The following PPFIA1 variants were observed in gnomAD, a reference collection of about 807,000 sequenced individuals.
PPFIA1 encodes PPFI scaffold protein A1.
PPFIA1 carries 25 observed loss-of-function variants against 149.9 expected under a neutral mutation model. The ratio of observed to expected loss-of-function variants is 0.17; its 90% CI spans 0.12 to 0.23. The LOEUF is 0.23. Ranked by LOEUF, PPFIA1 falls within the 10% of genes least tolerant of loss-of-function variation. PPFIA1 has a pLI of 1.00. For synonymous variants in PPFIA1, 549 were observed against 552.8 expected (o/e 0.99, Z 0.10); for missense variants, 1,362 against 1,506.5 (o/e 0.90, Z 1.59).
intron 13 of PPFIA1, among the ~76,000 whole-genome samples, chr11:70,338,889 G>T (rs767454404): frequency 2.6e-5 from 4 of 152,178 alleles, no homozygotes; most frequent in African/African-American, 4.8e-5. Flanking sequence ...CCCAGAGGAG[G>T]GGTCTCTCTC....
Position 70,383,349 on chromosome 11 carries a change from A to AT in PPFIA1, c.*360dup, listed in dbSNP as rs2057778289. On this transcript the variant is annotated 3_prime_UTR_variant, in exon 28 of 28. Coordinates refer to ENST00000253925, the MANE Select transcript of PPFIA1 (RefSeq NM_003626.5). ...ATGCTTGTATGTATAAATCCTATGA[A>AT]TAGAGGGCTTTTGTAAATTATGCAT... The AT allele has an allele frequency of 5.3e-6, 1 of 187,210 alleles. No homozygotes were observed. The highest frequency in any genetic ancestry group is 2.4e-5 in the African/African-American group (1 of 41,614). The allele number at this position is 187,210 out of a possible 1,614,324, so 11.6% of individuals were successfully genotyped here. A position where few individuals can be genotyped will look rare whatever the true frequency, so the allele number is the denominator to read the frequency against.
In PPFIA1 at chr11:70,383,184, T is replaced by G. The variant is rs1439653214; in HGVS notation, c.*194T>G. On this transcript the variant is annotated 3_prime_UTR_variant, in exon 28 of 28. Transcript: ENST00000253925. The stretch of plus-strand genomic sequence containing the variant: ...TACCATAGAGAAAATATTTTAGAAT[T>G]TAATGTTTCTTATATTTATGTAAAC... 2 of 334,424 alleles carry G rather than the reference T, an allele frequency of 6.0e-6. No individual in the cohort carries two copies. The highest frequency in any genetic ancestry group is 5.6e-5 in the Admixed American group (1 of 17,960). The allele number at this position is 334,424 out of a possible 1,614,324, so 20.7% of individuals were successfully genotyped here.
At chr11:70,332,945 C>G in intron 9 of PPFIA1, 1 of 438,774 alleles carries the variant, frequency 2.3e-6, no homozygotes, top group Non-Finnish European at 4.7e-6. Flanking sequence ...ACCTATCCTC[C>G]CACTCCATGA....
chr11:70,286,237 G>A (rs1253595159), intron 2 of PPFIA1, among the ~76,000 whole-genome samples: 1 of 152,022 alleles, frequency 6.6e-6, no homozygotes, highest in African/African-American at 2.4e-5. Context: ...AGTTTTCTAC[G>A]TAGTCAGGTG....
intron 2 of PPFIA1, among the ~76,000 whole-genome samples, chr11:70,287,626 G>A (rs1201011304): frequency 6.6e-6 from 1 of 150,846 alleles, no homozygotes; most frequent in Non-Finnish European, 1.5e-5. Flanking sequence ...ACTACACCCG[G>A]CCTTTTTTTT....
chr11:70,379,128 C>G (rs559176), intron 26 of PPFIA1, among the ~76,000 whole-genome samples: 70,096 of 151,902 alleles, frequency 0.46, 18,545 homozygotes, highest in African/African-American at 0.73. Flanking sequence ...CCGTGTCAGT[C>G]GGGGCTGTTT....
At chr11:70,364,602 A>G (rs903990250) in intron 21 of PPFIA1, 2 of 152,132 alleles carry the variant, frequency 1.3e-5, no homozygotes, top group Admixed American at 1.3e-4. Context: ...CTTAATGAAC[A>G]AATTATGGTG....
At chr11:70,318,171 C>T (rs1236130517) in intron 2 of PPFIA1, among the ~76,000 whole-genome samples, 1 of 152,232 alleles carries the variant, frequency 6.6e-6, no homozygotes, top group Non-Finnish European at 1.5e-5. Flanking sequence ...ATCCCGCCCT[C>T]TTTCTTCTAC....
chr11:70,325,689 T>C, intron 5 of PPFIA1, 115 bp downstream of exon 5: 1 of 777,902 alleles, frequency 1.3e-6, no homozygotes, highest in Non-Finnish European at 2.1e-6. Flanking sequence ...CCCAGCACTT[T>C]GGGAGACCGA....
chr11:70,309,581 A>C (rs1005518683), intron 2 of PPFIA1, among the ~76,000 whole-genome samples: 1 of 152,166 alleles, frequency 6.6e-6, no homozygotes, highest in Non-Finnish European at 1.5e-5. Context: ...AGAATGATAA[A>C]AGTACAGGAA....
chr11:70,351,210 G>A (rs758342035), intron 16 of PPFIA1, among the ~76,000 whole-genome samples: 2 of 152,168 alleles, frequency 1.3e-5, no homozygotes, highest in African/African-American at 2.4e-5. Flanking sequence ...GTCATTAGCG[G>A]TTTTCACAGA....
At chr11:70,284,413 G>A (rs748743760) in intron 2 of PPFIA1, among the ~76,000 whole-genome samples, 2 of 152,114 alleles carry the variant, frequency 1.3e-5, no homozygotes, top group Non-Finnish European at 2.9e-5. Context: ...ACCTTTAATT[G>A]TCAGCAAGGA....
intron 2 of PPFIA1, among the ~76,000 whole-genome samples, chr11:70,273,142 G>A (rs1434310074): frequency 6.6e-6 from 1 of 152,154 alleles, no homozygotes; most frequent in Non-Finnish European, 1.5e-5. Context: ...GCAGAGCGTG[G>A]TAGCGCGCAT....
At chr11:70,376,751 A>T (rs937396891) in intron 25 of PPFIA1, 151 bp downstream of exon 25, 3 of 752,034 alleles carry the variant, frequency 4.0e-6, no homozygotes, top group Non-Finnish European at 4.5e-6. Context: ...TTGCTCTTAT[A>T]CATTTATTCA....
At chr11:70,376,677 T>C in intron 25 of PPFIA1, 77 bp downstream of exon 25, 1 of 1,200,540 alleles carries the variant, frequency 8.3e-7, no homozygotes, top group South Asian at 1.2e-5. Flanking sequence ...TGTAAGCTGT[T>C]ATTATTATTA....
At chr11:70,315,232 A>T (rs2053531973) in intron 2 of PPFIA1, among the ~76,000 whole-genome samples, 1 of 152,218 alleles carries the variant, frequency 6.6e-6, no homozygotes, top group Admixed American at 6.5e-5. Context: ...AGCCAGTGCT[A>T]CTTCAGTCAC....
At chr11:70,295,324 C>CA (rs2051852879) in intron 2 of PPFIA1, among the ~76,000 whole-genome samples, 1 of 113,274 alleles carries the variant, frequency 8.8e-6, no homozygotes, top group Non-Finnish European at 1.9e-5. Context: ...GCTGGCTGGG[C>CA]GGGGGGCTGA....
In PPFIA1 at chr11:70,355,688, A is replaced by T; in HGVS notation, c.2365A>T (p.Ser789Cys). ...CGTGAGCAACCCCAGCAGTAGCAAC[A>T]GTAGCCAGGACTCGCTCCACAAAGC... is the stretch of plus-strand genomic sequence containing the variant. The part of the protein sequence containing the change: ...GPVSNPSSSN[S>C]SQDSLHKAPK... Residue 789 changes from serine to cysteine, a missense_variant, in exon 18 of 28, where the codon AGT (serine) becomes TGT (cysteine). Around this residue, in one of 7 missense-constraint regions of PPFIA1, gnomAD observed 733 missense variants for 744.1 expected, o/e 0.99. Transcript: ENST00000253925. 1 of 1,614,052 alleles carries T rather than the reference A, an allele frequency of 6.2e-7. No homozygotes were observed. The highest frequency in any genetic ancestry group is 8.5e-7 in the Non-Finnish European group (1 of 1,179,982).
Position 70,376,858 on chromosome 11 carries a change from G to A in PPFIA1, c.3384+258G>A, listed in dbSNP as rs145148608. Among the ~76,000 whole-genome samples, 581 of 152,264 alleles carry A rather than the reference G, an allele frequency of 3.8e-3. 2 individuals carry two copies. The highest frequency in any genetic ancestry group is 7.2e-3 in the Non-Finnish European group (489 of 68,002). On this transcript the variant is annotated intron_variant, in intron 25 of 27. Coordinates refer to ENST00000253925, the MANE Select transcript of PPFIA1 (RefSeq NM_003626.5). ...AGGCTGAGGCGGGCGGATCACCAGA[G>A]GTCAGGAGTTTAAGACCAGCCCGGC...
Sources: gnomAD v4.1 joint callset for allele counts (sites outside exome capture counted in the v4.1 genomes callset) on GRCh38, gnomAD v4.1.1 for gene constraint, gnomAD v4.1.1 regional missense constraint, MANE v1.5 for transcripts, NCBI Gene and HGNC (gene_info 2026-07-23, HGNC 2026-07-21) for gene names.